The following RCBTB1 variants were observed in gnomAD, a reference collection of about 807,000 sequenced individuals.
The protein encoded by RCBTB1 is RCC1 and BTB domain-containing protein 1.
Under a neutral mutation model 62.4 loss-of-function variants are expected in RCBTB1, and 46 were observed. The ratio of observed to expected loss-of-function variants is 0.74; its 90% CI spans 0.58 to 0.94. The LOEUF is 0.94. Among genes scored for constraint, RCBTB1 ranks in the 40% least tolerant of loss-of-function variants. The probability of loss-of-function intolerance (pLI) is 0.00; values close to 1 mark genes in which losing one functional copy is unlikely to be tolerated. For missense variants in RCBTB1, 565 were observed against 654.9 expected, an observed-to-expected ratio of 0.86 and a Z score of 1.50; for synonymous variants, 222 against 245.8, an observed-to-expected ratio of 0.90 and a Z score of 0.91.
intron 5 of RCBTB1, among the ~76,000 whole-genome samples, chr13:49,556,468 G>A (rs1475768419): frequency 6.6e-6 from 1 of 152,168 alleles, no homozygotes; most frequent in African/African-American, 2.4e-5. Flanking sequence ...GGGATTACAG[G>A]CGTGAGCCAC....
chr13:49,565,133 G>T (rs1049075017), intron 4 of RCBTB1, among the ~76,000 whole-genome samples: 5 of 151,918 alleles, frequency 3.3e-5, no homozygotes, highest in African/African-American at 4.8e-5. Flanking sequence ...TCCTGCCTCA[G>T]CCTGCCGAGT....
chr13:49,538,235 C>T (rs537910771), intron 12 of RCBTB1, among the ~76,000 whole-genome samples: 2 of 152,312 alleles, frequency 1.3e-5, no homozygotes, highest in South Asian at 4.1e-4. Flanking sequence ...CTCAAGCAAT[C>T]CTCCCACTTC....
chr13:49,554,561 G>C (rs1413350422), intron 6 of RCBTB1, among the ~76,000 whole-genome samples: 7 of 152,152 alleles, frequency 4.6e-5, no homozygotes, highest in Admixed American at 4.6e-4. Flanking sequence ...GCCCTGTTAG[G>C]AACCGGGCCG....
At chr13:49,545,470 C>T (rs1960715709) in intron 9 of RCBTB1, among the ~76,000 whole-genome samples, 1 of 151,932 alleles carries the variant, frequency 6.6e-6, no homozygotes, top group Non-Finnish European at 1.5e-5. Flanking sequence ...AGAAACAACA[C>T]CTACATGAAG....
rs757148365 is a variant in RCBTB1 at position 49,551,320 on chromosome 13, A to G, written c.854+6T>C. ...ACAGTCCCAAGACGTGGCACAGCCAAGTTACCTTTCTTTCTCCACCATGAT... is the reference window on the plus strand; with the variant it reads ...ACAGTCCCAAGACGTGGCACAGCCAGGTTACCTTTCTTTCTCCACCATGAT... On this transcript the variant is annotated splice_donor_region_variant and intron_variant, in intron 8 of 12. Coordinates refer to ENST00000378302, the MANE Select transcript of RCBTB1 (RefSeq NM_018191.4). 1 of 1,613,986 alleles carries G rather than the reference A, an allele frequency of 6.2e-7. No homozygotes were observed.
At position 49,540,805 on chromosome 13, in the gene RCBTB1, C is replaced by G. The variant is rs148998522; in HGVS notation, c.1455+71G>C. Reference sequence around the variant, plus strand: ...GTGACTCATCGTTTTCCATGCCTCACGCAAGAAGCGGGGGAGACGAGCACA... The same window carrying G: ...GTGACTCATCGTTTTCCATGCCTCAGGCAAGAAGCGGGGGAGACGAGCACA... On this transcript the variant is annotated intron_variant, in intron 12 of 12. Transcript: ENST00000378302. The G allele has an allele frequency of 5.2e-6, 8 of 1,527,160 alleles. No homozygotes were observed. The East Asian group carries it at 1.9e-4, about 36-fold the overall frequency. 94.6% of individuals were successfully genotyped at this position (1,527,160 alleles called of 1,614,324 possible).
Position 49,583,657 on chromosome 13 carries a change from G to T in RCBTB1, c.-122+1787C>A, listed in dbSNP as rs527325142. On this transcript the variant is annotated intron_variant, in intron 1 of 12. Transcript: ENST00000378302. ...TGCCTCCCCAGGTCAGGTAATTCTC[G>T]TACCTCAGCCTCCTGAGTAGCTGGG... is the stretch of plus-strand genomic sequence containing the variant. Among the ~76,000 whole-genome samples, 23 of 151,614 alleles carry T rather than the reference G, an allele frequency of 1.5e-4. 1 individual carries two copies. Among genetic ancestry groups the T allele is most frequent in the Non-Finnish European group, 2.9e-4 (20 of 67,964 alleles).
intron 1 of RCBTB1, 93 bp downstream of exon 1, chr13:49,585,351 G>A (rs566205294): frequency 6.6e-6 from 1 of 152,176 alleles, no homozygotes; most frequent in Non-Finnish European, 1.5e-5. Context: ...GGAGTAACGG[G>A]GCACTCCCGG....
At position 49,532,875 on chromosome 13, in the gene RCBTB1, T is replaced by TA. The variant is rs1000644636; in HGVS notation, c.*1246dup. 2 of 152,074 alleles carry TA rather than the reference T, an allele frequency of 1.3e-5. No individual in the cohort carries two copies. Among genetic ancestry groups the TA allele is most frequent in the African/African-American group, 4.8e-5 (2 of 41,406 alleles). The allele number at this position is 152,074 out of a possible 1,614,324, so 9.4% of individuals were successfully genotyped here. A position where few individuals can be genotyped will look rare whatever the true frequency, so the allele number is the denominator to read the frequency against. ...AGAGAGCAAAGCAAAACATTGCTCTTAAAAGCAAGCTCAACGGACACACAT... is the reference window on the plus strand; with the variant it reads ...AGAGAGCAAAGCAAAACATTGCTCTTAAAAAGCAAGCTCAACGGACACACAT... On this transcript the variant is annotated 3_prime_UTR_variant, in exon 13 of 13. Transcript: ENST00000378302.
rs766805625 is a variant in RCBTB1 at position 49,534,102 on chromosome 13, G to C, written c.*20C>G. ...AACAGTGCCCCAGAGCACTCACACA[G>C]AACCCAGCAGCCTTGCGCTTCAGTT... On this transcript the variant is annotated 3_prime_UTR_variant, in exon 13 of 13. Coordinates refer to ENST00000378302, the MANE Select transcript of RCBTB1 (RefSeq NM_018191.4). 19 of 1,611,256 alleles carry C rather than the reference G, an allele frequency of 1.2e-5. 1 individual carries two copies. In the South Asian group the frequency reaches 2.1e-4, roughly 18 times the overall value.
rs369848049 is a variant in RCBTB1 at position 49,540,948 on chromosome 13, G to A, written c.1383C>T (p.His461=). ...CENRLKKLCQ[H]IIKRGITVEN... ...CCACAGTAATTCCTCTCTTGATAAT[G>A]TGCTGACAAAGTTTTTTCAGTCTGT... Residue 461 remains histidine, a synonymous_variant, in exon 12 of 13, where the codon CAC becomes CAT. Transcript: ENST00000378302. The A allele has an allele frequency of 1.2e-4, 199 of 1,613,592 alleles. No individual in the cohort carries two copies. The highest frequency in any genetic ancestry group is 1.6e-4 in the Non-Finnish European group (184 of 1,179,994).
At position 49,566,781 on chromosome 13, in the gene RCBTB1, T is replaced by C. The variant is rs370735633; in HGVS notation, c.127-13A>G. On this transcript the variant is annotated splice_polypyrimidine_tract_variant and intron_variant, in intron 3 of 12. Transcript: ENST00000378302. The stretch of plus-strand genomic sequence containing the variant: ...CAAATACAAAGACCTAGAAAATAGA[T>C]AGTTTTTTTTCTGAGTCTTTTGACC... The C allele has an allele frequency of 5.0e-6, 8 of 1,591,038 alleles. No homozygotes were observed. Among genetic ancestry groups the C allele is most frequent in the African/African-American group, 4.1e-5 (3 of 73,336 alleles).
intron 2 of RCBTB1, among the ~76,000 whole-genome samples, chr13:49,574,127 G>A (rs1963604439): frequency 7.0e-6 from 1 of 143,406 alleles, no homozygotes; most frequent in Non-Finnish European, 1.5e-5. Context: ...CTTTTTTTGG[G>A]GGTGGGGGGT....
At chr13:49,576,846 T>C (rs1202522996) in intron 2 of RCBTB1, among the ~76,000 whole-genome samples, 1 of 152,086 alleles carries the variant, frequency 6.6e-6, no homozygotes, top group African/African-American at 2.4e-5. Context: ...CAATGACTTT[T>C]TTTTTTAACT....
chr13:49,541,411 G>A (rs916051771), intron 11 of RCBTB1, among the ~76,000 whole-genome samples: 2 of 150,968 alleles, frequency 1.3e-5, no homozygotes, highest in Non-Finnish European at 2.9e-5. Context: ...CATCCTGCAC[G>A]TGTACCCCAG....
At chr13:49,580,035 T>C (rs1246918406) in intron 2 of RCBTB1, among the ~76,000 whole-genome samples, 3 of 152,176 alleles carry the variant, frequency 2.0e-5, no homozygotes, top group Non-Finnish European at 4.4e-5. Flanking sequence ...ACCTCAGCCA[T>C]GTGCTCGAAA....
At chr13:49,540,815 G>C (rs1200922459) in intron 12 of RCBTB1, 61 bp downstream of exon 12, 4 of 1,555,556 alleles carry the variant, frequency 2.6e-6, no homozygotes, top group South Asian at 1.2e-5. Flanking sequence ...CGCAAGAAGC[G>C]GGGGAGACGA....
In RCBTB1 at chr13:49,533,661, C is replaced by G. The variant is rs1440692480; in HGVS notation, c.*461G>C. ...GCTACTAAACTAGCAACTAAGGCAGCACTTAACAATCCCCAGGTCAGCATC... is the reference window on the plus strand; with the variant it reads ...GCTACTAAACTAGCAACTAAGGCAGGACTTAACAATCCCCAGGTCAGCATC... On this transcript the variant is annotated 3_prime_UTR_variant, in exon 13 of 13. Coordinates refer to ENST00000378302, the MANE Select transcript of RCBTB1 (RefSeq NM_018191.4). 6.5e-6 allele frequency: 1 copy of G among 152,902 alleles called. No homozygotes were observed. Among genetic ancestry groups the G allele is most frequent in the Non-Finnish European group, 1.5e-5 (1 of 68,570 alleles). 9.5% of individuals were successfully genotyped at this position (152,902 alleles called of 1,614,324 possible). A position where few individuals can be genotyped will look rare whatever the true frequency, so the allele number is the denominator to read the frequency against.
chr13:49,550,072 C>T (rs1033259213), intron 8 of RCBTB1, among the ~76,000 whole-genome samples: 1 of 152,126 alleles, frequency 6.6e-6, no homozygotes, highest in Admixed American at 6.5e-5. Context: ...TCACTGCAGC[C>T]TCGACCTCCC....
Sources: gnomAD v4.1 joint callset for allele counts (sites outside exome capture counted in the v4.1 genomes callset) on GRCh38, gnomAD v4.1.1 for gene constraint, MANE v1.5 for transcripts, NCBI Gene and HGNC (gene_info 2026-07-23, HGNC 2026-07-21) for gene names.